The following YOD1 variants were observed in gnomAD, a reference collection of about 807,000 sequenced individuals.
YOD1 encodes the protein ubiquitin thioesterase OTU1.
In YOD1, 17 loss-of-function variants were observed where a neutral mutation model predicts 23.7. The ratio of observed to expected loss-of-function variants is 0.72; its 90% CI spans 0.49 to 1.07. The LOEUF (loss-of-function observed/expected upper bound fraction) is 1.07. YOD1 is among the 50% of genes least tolerant of loss of function. The pLI is 0.00. For missense variants in YOD1, 413 were observed against 447.2 expected (o/e 0.92, Z 0.69); for synonymous variants, 191 against 169.6 (o/e 1.13, Z -0.98).
At chr1:207,049,772 A>G (rs758084411) in intron 1 of YOD1, 49 bp from the exon 2 acceptor site, 1 of 1,528,920 alleles carries the variant, frequency 6.5e-7, no homozygotes, top group East Asian at 2.3e-5. Flanking sequence ...TACAGAAGAA[A>G]CCGAGTGTTC....
In YOD1 at chr1:207,045,435, A is replaced by C. The variant is rs746362302; in HGVS notation, c.*3585T>G. 2.0e-5 allele frequency: 3 copies of C among 152,504 alleles called. No individual in the cohort carries two copies. The highest frequency in any genetic ancestry group is 2.9e-5 in the Non-Finnish European group (2 of 67,910). The allele number at this position is 152,504 out of a possible 1,614,324, so 9.4% of individuals were successfully genotyped here. On this transcript the variant is annotated 3_prime_UTR_variant, in exon 2 of 2. Transcript: ENST00000315927. ...CTTTGATTAAGAAGAGCTGATGGTT[A>C]GTAGCTCAAGAATTGTACTTTAATG...
At chr1:207,052,789 A>G (rs2629664), upstream of YOD1, 10,470 of 155,948 alleles carry the variant, frequency 0.067, 1,201 homozygotes, top group African/African-American at 0.24. Flanking sequence ...GGAGCCGGGT[A>G]TGTATACACC....
At chr1:207,052,450 T>G, upstream of YOD1, 1 of 467,196 alleles carries the variant, frequency 2.1e-6, no homozygotes, top group Non-Finnish European at 3.9e-6. Context: ...TCACCCGAGG[T>G]CAGAAGTTCG....
chr1:207,052,038 C>T (rs1682765643), upstream of YOD1: 1 of 671,946 alleles, frequency 1.5e-6, no homozygotes, highest in Non-Finnish European at 2.6e-6. Flanking sequence ...ATTTATATCT[C>T]TCTTTTCCAA....
In YOD1 at chr1:207,044,368, C is replaced by G. The variant is rs1051407407; in HGVS notation, c.*4652G>C. 2.6e-5 allele frequency: 4 copies of G among 152,466 alleles called. No homozygotes were observed. The highest frequency in any genetic ancestry group is 2.1e-4 in the South Asian group (1 of 4,828). 9.4% of individuals were successfully genotyped at this position (152,466 alleles called of 1,614,324 possible). ...AAACAGCTGGAGTCCTGAATGGCACCAATGTGACTGGAAAACTGACAAAAA... is the reference window on the plus strand; with the variant it reads ...AAACAGCTGGAGTCCTGAATGGCACGAATGTGACTGGAAAACTGACAAAAA... On this transcript the variant is annotated 3_prime_UTR_variant, in exon 2 of 2. Coordinates refer to ENST00000315927, the MANE Select transcript of YOD1 (RefSeq NM_018566.4).
chr1:207,051,805 T>C (rs977728742), upstream of YOD1, among the ~76,000 whole-genome samples: 4 of 152,240 alleles, frequency 2.6e-5, no homozygotes, highest in Admixed American at 6.5e-5. Context: ...AGATTATCTG[T>C]ACCTTTTCAA....
Position 207,048,700 on chromosome 1 carries a change from A to C in YOD1, c.*320T>G. 1 of 253,458 alleles carries C rather than the reference A, an allele frequency of 3.9e-6. No homozygotes were observed. The highest frequency in any genetic ancestry group is 7.6e-6 in the Non-Finnish European group (1 of 131,036). The allele number at this position is 253,458 out of a possible 1,614,324, so 15.7% of individuals were successfully genotyped here. A position where few individuals can be genotyped will look rare whatever the true frequency, so the allele number is the denominator to read the frequency against. ...CCCAAAATGTGATGCTTTCTTCTAC[A>C]AGTTAAAGCTGCTGGGTGCTAGTTT... On this transcript the variant is annotated 3_prime_UTR_variant, in exon 2 of 2. Coordinates refer to ENST00000315927, the MANE Select transcript of YOD1 (RefSeq NM_018566.4).
At chr1:207,052,031 T>C (rs77890788), upstream of YOD1, among the ~76,000 whole-genome samples, 161 of 152,354 alleles carry the variant, frequency 1.1e-3, no homozygotes, top group African/African-American at 3.7e-3. Flanking sequence ...TCCCTGAATT[T>C]ATATCTCTCT....
intron 1 of YOD1, among the ~76,000 whole-genome samples, chr1:207,050,357 A>C (rs1476277406): frequency 2.0e-5 from 3 of 152,222 alleles, no homozygotes; most frequent in Non-Finnish European, 4.4e-5. Flanking sequence ...AAAAAGAGAC[A>C]TAAGGACAGA....
chr1:207,052,257 C>CA (rs769086489), upstream of YOD1: 4 of 1,608,162 alleles, frequency 2.5e-6, no homozygotes, highest in South Asian at 4.4e-5. Context: ...TTTCATGACT[C>CA]AATTTTTTTT....
chr1:207,050,584 C>G (rs1282254475), intron 1 of YOD1, 104 bp downstream of exon 1: 1 of 1,505,628 alleles, frequency 6.6e-7, no homozygotes, highest in Non-Finnish European at 9.0e-7. Context: ...CTCAAAGCCC[C>G]CCCGCCGACT....
rs1449290099 is a variant in YOD1 at position 207,049,508 on chromosome 1, C to T, written c.559G>A (p.Ala187Thr). 1 of 1,614,176 alleles carries T rather than the reference C, an allele frequency of 6.2e-7. No individual in the cohort carries two copies. Among genetic ancestry groups the T allele is most frequent in the Non-Finnish European group, 8.5e-7 (1 of 1,180,046 alleles). The change falls in exon 2 of 2, where the codon GCA becomes ACA. Residue 187 changes from alanine (A) to threonine (T), a missense_variant. By Grantham distance (58) the Ala-to-Thr change is moderately conservative (BLOSUM62 0). Transcript: ENST00000315927. ...ACAPEMRRLI[A>T]QIVASDPDFY... ...TCTGGATCGCTTGCTACAATTTGTG[C>T]TATGAGGCGTCTCATCTCAGGGGCA...
At chr1:207,052,422 G>C (rs940668910), upstream of YOD1, 2 of 516,642 alleles carry the variant, frequency 3.9e-6, no homozygotes, top group African/African-American at 3.9e-5. Context: ...AGCACTTTGG[G>C]AGGCCGAGGC....
Position 207,043,966 on chromosome 1 carries a change from TAA to T in YOD1, c.*5052_*5053del, listed in dbSNP as rs955750184. 1 of 152,592 alleles carries T rather than the reference TAA, an allele frequency of 6.6e-6. No individual in the cohort carries two copies. Among genetic ancestry groups the T allele is most frequent in the African/African-American group, 2.4e-5 (1 of 41,466 alleles). 9.5% of individuals were successfully genotyped at this position (152,592 alleles called of 1,614,324 possible). ...TCTTAATGACAATGGCAAAATCACATAAGAGTTGTAGAAAATGAAGTTAGACA... is the reference window on the plus strand; with the variant it reads ...TCTTAATGACAATGGCAAAATCACATGAGTTGTAGAAAATGAAGTTAGACA... On this transcript the variant is annotated 3_prime_UTR_variant, in exon 2 of 2. Transcript: ENST00000315927.
In YOD1 at chr1:207,050,956, CTGTT is replaced by C; in HGVS notation, c.71_74del (p.Gln24ArgfsTer94). On this transcript the variant is annotated frameshift_variant, in exon 1 of 2. Transcript: ENST00000315927. LOFTEE classifies it high-confidence loss of function. ...CGGGGCCAGCTTTGGTCCCGGCAGCCTGTTGGGAGACGCCGCCGGGGAAACCAGG... is the reference window on the plus strand; with the variant it reads ...CGGGGCCAGCTTTGGTCCCGGCAGCCGGGAGACGCCGCCGGGGAAACCAGG... The C allele has an allele frequency of 6.4e-7, 1 of 1,565,716 alleles. No homozygotes were observed. Among genetic ancestry groups the C allele is most frequent in the Non-Finnish European group, 8.7e-7 (1 of 1,153,882 alleles).
At position 207,051,155 on chromosome 1, in the gene YOD1, T is replaced by G. The variant is rs762636983; in HGVS notation, c.-125A>C. On this transcript the variant is annotated 5_prime_UTR_variant, in exon 1 of 2. Transcript: ENST00000315927. ...TTTTCCCCCACCCTCAGAACGAAGATGTAAACCTCCGTATTCCTAAAGGAC... is the reference window on the plus strand; with the variant it reads ...TTTTCCCCCACCCTCAGAACGAAGAGGTAAACCTCCGTATTCCTAAAGGAC... 9.9e-5 allele frequency: 140 copies of G among 1,419,086 alleles called. No homozygotes were observed. Among genetic ancestry groups the G allele is most frequent in the Non-Finnish European group, 1.2e-4 (136 of 1,091,620 alleles). The allele number at this position is 1,419,086 out of a possible 1,614,324, so 87.9% of individuals were successfully genotyped here.
In YOD1 at chr1:207,048,890, G is replaced by C. The variant is rs1320038892; in HGVS notation, c.*130C>G. The C allele has an allele frequency of 1.2e-6, 1 of 827,166 alleles. No individual in the cohort carries two copies. The highest frequency in any genetic ancestry group is 1.9e-6 in the Non-Finnish European group (1 of 523,966). 51.2% of individuals were successfully genotyped at this position (827,166 alleles called of 1,614,324 possible). On this transcript the variant is annotated 3_prime_UTR_variant, in exon 2 of 2. Coordinates refer to ENST00000315927, the MANE Select transcript of YOD1 (RefSeq NM_018566.4). ...CTTAACAAGGAATTTCAGTGTCTTA[G>C]TGGTTTTAAGTTAAAAGGATGGTTC...
upstream of YOD1, among the ~76,000 whole-genome samples, chr1:207,052,496 T>C (rs1185888738): frequency 6.6e-6 from 1 of 152,170 alleles, no homozygotes; most frequent in East Asian, 1.9e-4. Flanking sequence ...ACCCCGTCTC[T>C]ACTAAAAATA....
chr1:207,051,194 A>G lies in YOD1; in HGVS notation c.-164T>C, dbSNP rs1682744127. The G allele has an allele frequency of 5.9e-6, 8 of 1,349,200 alleles. No individual in the cohort carries two copies. The Middle Eastern group carries it at 8.1e-4, about 136-fold the overall frequency. 83.6% of individuals were successfully genotyped at this position (1,349,200 alleles called of 1,614,324 possible). ...TTCCTAAAGGACAACGGGTCTTGCTACCTATAGAGCGAGTGAGGTGCCCTC... is the reference window on the plus strand; with the variant it reads ...TTCCTAAAGGACAACGGGTCTTGCTGCCTATAGAGCGAGTGAGGTGCCCTC... On this transcript the variant is annotated 5_prime_UTR_variant, in exon 1 of 2. Transcript: ENST00000315927.
Sources: allele counts gnomAD v4.1 joint callset (sites outside exome capture counted in the v4.1 genomes callset), GRCh38; gene constraint gnomAD v4.1.1; transcripts MANE v1.5; gene names NCBI Gene and HGNC (gene_info 2026-07-23, HGNC 2026-07-21).